TRAPPC9: variants seen among roughly 807,000 people sequenced by gnomAD.
TRAPPC9 encodes the protein trafficking protein particle complex subunit 9, also known as IKK2 binding protein.
A neutral mutation model predicts 124.0 loss-of-function variants in TRAPPC9; 83 were observed. The observed-to-expected ratio is 0.67, with a 90% CI of 0.56 to 0.80. The LOEUF is 0.80. TRAPPC9 is among the 30% of genes least tolerant of loss of function. The probability of loss-of-function intolerance (pLI) is 0.00; values close to 1 mark genes in which losing one functional copy is unlikely to be tolerated. For synonymous variants in TRAPPC9, 638 were observed against 617.5 expected (o/e 1.03, Z -0.49); for missense variants, 1,302 against 1,508.3 (o/e 0.86, Z 2.27).
intron 21 of TRAPPC9, among the ~76,000 whole-genome samples, chr8:139,762,097 C>G (rs1490358454): frequency 6.6e-6 from 1 of 151,742 alleles, no homozygotes; most frequent in Non-Finnish European, 1.5e-5. Context: ...TCTGAGCCAC[C>G]CAGCCCTGCA....
intron 19 of TRAPPC9, among the ~76,000 whole-genome samples, chr8:139,959,896 G>C (rs910168916): frequency 6.6e-5 from 10 of 152,198 alleles, no homozygotes; most frequent in African/African-American, 2.4e-5. Context: ...CAAGACCCAG[G>C]AGTCTCAGCA....
In TRAPPC9 at chr8:140,311,250, G is replaced by A; in HGVS notation, c.1620C>T (p.Val540=). 1 of 1,610,892 alleles carries A rather than the reference G, an allele frequency of 6.2e-7. No homozygotes were observed. The highest frequency in any genetic ancestry group is 8.5e-7 in the Non-Finnish European group (1 of 1,179,974). ...CGGCTCTGCAGTGCCCATCTCACCT[G>A]ACGATGGGAAGCTTGGTGAAGGGCA... is the stretch of plus-strand genomic sequence containing the variant. ...PPVPFTKLPI[V]RHVKLLNLPA... The change falls in exon 10 of 23, where the codon GTC becomes GTT. Residue 540 remains valine, a splice_region_variant and synonymous_variant. Coordinates refer to ENST00000438773, the MANE Select transcript of TRAPPC9 (RefSeq NM_001160372.4).
At chr8:139,804,111 ACC>A in intron 21 of TRAPPC9, among the ~76,000 whole-genome samples, 1 of 143,424 alleles carries the variant, frequency 7.0e-6, no homozygotes, top group Admixed American at 7.0e-5. Flanking sequence ...CACCACCACC[ACC>A]AAACACCACC....
intron 19 of TRAPPC9, among the ~76,000 whole-genome samples, chr8:139,939,569 G>T (rs1449988452): frequency 2.6e-5 from 4 of 152,126 alleles, no homozygotes; most frequent in Non-Finnish European, 5.9e-5. Flanking sequence ...GTTTGAAGCT[G>T]CAGGCCTGCA....
chr8:140,106,803 C>A (rs1045678707), intron 17 of TRAPPC9, among the ~76,000 whole-genome samples: 1 of 152,178 alleles, frequency 6.6e-6, no homozygotes, highest in Non-Finnish European at 1.5e-5. Context: ...AGGGCTTGAA[C>A]AGTGCCAAGC....
At chr8:139,807,032 C>A (rs1563829402) in intron 21 of TRAPPC9, among the ~76,000 whole-genome samples, 2 of 152,234 alleles carry the variant, frequency 1.3e-5, no homozygotes, top group Non-Finnish European at 2.9e-5. Context: ...CTTCAGCCAA[C>A]CAAGGGCCCT....
chr8:140,253,827 G>C (rs7841647), intron 15 of TRAPPC9, among the ~76,000 whole-genome samples: 17,563 of 152,186 alleles, frequency 0.12, 1,769 homozygotes, highest in African/African-American at 0.27. Context: ...CTTGACTTTG[G>C]TGCCTTTTTG....
chr8:140,272,210 A>G (rs1304191883), intron 15 of TRAPPC9, among the ~76,000 whole-genome samples: 2 of 43,972 alleles, frequency 4.5e-5, no homozygotes, highest in African/African-American at 9.4e-5. Flanking sequence ...GGCAGTGGTG[A>G]GGGTGGTGGT....
At chr8:140,089,339 T>C (rs992550069) in intron 17 of TRAPPC9, among the ~76,000 whole-genome samples, 3 of 152,130 alleles carry the variant, frequency 2.0e-5, no homozygotes, top group Non-Finnish European at 4.4e-5. Flanking sequence ...GGCCAGGTGT[T>C]TTTCAGAACT....
chr8:140,072,664 G>A (rs1172390473), intron 17 of TRAPPC9, among the ~76,000 whole-genome samples: 2 of 151,740 alleles, frequency 1.3e-5, no homozygotes, highest in Non-Finnish European at 1.5e-5. Flanking sequence ...TATACACTAG[G>A]AGAACGTATT....
At chr8:139,777,567 C>A (rs57446990) in intron 21 of TRAPPC9, among the ~76,000 whole-genome samples, 5 of 152,268 alleles carry the variant, frequency 3.3e-5, no homozygotes, top group African/African-American at 1.2e-4. Context: ...AATTCTAGAT[C>A]GTGTATTCAT....
chr8:140,204,405 T>C (rs1423319613), intron 17 of TRAPPC9, among the ~76,000 whole-genome samples: 5 of 137,104 alleles, frequency 3.6e-5, no homozygotes, highest in South Asian at 2.3e-4. Flanking sequence ...TTCTCACTCA[T>C]AGGTGGGAAT....
intron 21 of TRAPPC9, among the ~76,000 whole-genome samples, chr8:139,759,384 T>A (rs1050453828): frequency 2.0e-5 from 3 of 152,090 alleles, no homozygotes; most frequent in Non-Finnish European, 2.9e-5. Flanking sequence ...CCCTCTGAGA[T>A]GAGTACTATT....
intron 19 of TRAPPC9, among the ~76,000 whole-genome samples, chr8:139,929,081 C>A (rs1049015246): frequency 6.6e-6 from 1 of 152,166 alleles, no homozygotes; most frequent in Non-Finnish European, 1.5e-5. Flanking sequence ...AAATACTTCA[C>A]GAAATCGGGA....
At chr8:139,883,775 T>A (rs1028778834) in intron 21 of TRAPPC9, among the ~76,000 whole-genome samples, 2 of 152,206 alleles carry the variant, frequency 1.3e-5, no homozygotes, top group African/African-American at 4.8e-5. Flanking sequence ...CTGAGGTTCA[T>A]CCCTGGCTGG....
chr8:140,218,055 G>C (rs1158664925), intron 17 of TRAPPC9, among the ~76,000 whole-genome samples: 1 of 151,354 alleles, frequency 6.6e-6, no homozygotes, highest in Non-Finnish European at 1.5e-5. Context: ...TCTAGAAGGA[G>C]TTCAAGTGCT....
chr8:140,286,087 T>C (rs911619053), intron 13 of TRAPPC9, among the ~76,000 whole-genome samples: 1 of 152,130 alleles, frequency 6.6e-6, no homozygotes, highest in Non-Finnish European at 1.5e-5. Context: ...AGCGAGCCCA[T>C]GCCGAGGAAG....
intron 17 of TRAPPC9, among the ~76,000 whole-genome samples, chr8:140,141,055 C>T (rs2061374683): frequency 6.6e-6 from 1 of 152,196 alleles, no homozygotes; most frequent in Non-Finnish European, 1.5e-5. Flanking sequence ...CTATAAGCAA[C>T]TTGTGGGCAG....
At chr8:140,042,894 C>T (rs998449807) in intron 17 of TRAPPC9, among the ~76,000 whole-genome samples, 2 of 152,210 alleles carry the variant, frequency 1.3e-5, no homozygotes, top group African/African-American at 4.8e-5. Context: ...GTTGTGCCTC[C>T]GGGCTCCTTC....
Sources: allele counts gnomAD v4.1 joint callset (sites outside exome capture counted in the v4.1 genomes callset), GRCh38; gene constraint gnomAD v4.1.1; transcripts MANE v1.5; gene names NCBI Gene and HGNC (gene_info 2026-07-23, HGNC 2026-07-21).